Variants in PRUNE1 observed in about 807,000 individuals in gnomAD.
The protein encoded by PRUNE1 is exopolyphosphatase PRUNE1.
Under a neutral mutation model 42.5 loss-of-function variants are expected in PRUNE1, and 25 were observed. The observed-to-expected ratio is 0.59, with a 90% confidence interval of 0.43 to 0.82. The LOEUF is 0.82. PRUNE1 is among the 40% of genes least tolerant of loss of function. The probability of loss-of-function intolerance (pLI) is 0.00; values close to 1 mark genes in which losing one functional copy is unlikely to be tolerated. For missense variants in PRUNE1, 443 were observed against 539.3 expected (o/e 0.82, Z 1.77); for synonymous variants, 203 against 217.1 (o/e 0.93, Z 0.57).
chr1:151,027,315 T>A lies in PRUNE1; in HGVS notation c.762T>A (p.Tyr254Ter). 6.2e-7 allele frequency: 1 copy of A among 1,604,590 alleles called. No homozygotes were observed. The highest frequency in any genetic ancestry group is 1.1e-5 in the South Asian group (1 of 90,848). Reference sequence around the variant, plus strand: ...TCAAGGTGGCCATTAGTGCAATATATATGGATTTGGAGGTAAGAGCAAGTT... The same window carrying A: ...TCAAGGTGGCCATTAGTGCAATATAAATGGATTTGGAGGTAAGAGCAAGTT... ...QGVKVAISAIYMDLEAFLQRS... is the reference protein window; with the variant it reads ...QGVKVAISAI Residue 254 changes from tyrosine (Y) to a stop codon, truncating the protein, a stop_gained, in exon 6 of 8, where the codon TAT (tyrosine) becomes TAA (stop). Coordinates refer to ENST00000271620, the MANE Select transcript of PRUNE1 (RefSeq NM_021222.3). LOFTEE classifies it high-confidence loss of function.
chr1:151,025,283 T>C lies in PRUNE1; in HGVS notation c.521-232T>C, dbSNP rs1354881184. On this transcript the variant is annotated intron_variant, in intron 4 of 7. Transcript: ENST00000271620. The stretch of plus-strand genomic sequence containing the variant: ...TGACTAGGCTGTAAAATCTCCAAGG[T>C]TTGAGATGCTCAGGCTTTCTTTCTA... Among the ~76,000 whole-genome samples the C allele has an allele frequency of 4.6e-5, 7 of 152,278 alleles. No homozygotes were observed. In the East Asian group the frequency reaches 1.3e-3, roughly 29 times the overall value.
At chr1:151,023,365 A>G (rs906836881) in intron 3 of PRUNE1, among the ~76,000 whole-genome samples, 2 of 152,176 alleles carry the variant, frequency 1.3e-5, no homozygotes, top group Non-Finnish European at 2.9e-5. Flanking sequence ...ATAGGAATTA[A>G]GATAGAATTC....
intron 5 of PRUNE1, among the ~76,000 whole-genome samples, chr1:151,026,125 A>C (rs1467952988): frequency 6.6e-6 from 1 of 151,950 alleles, no homozygotes; most frequent in Non-Finnish European, 1.5e-5. Context: ...GGATTGTTCT[A>C]TCCTGGCTCT....
At chr1:151,009,465 C>T (rs185979998) in intron 1 of PRUNE1, among the ~76,000 whole-genome samples, 5 of 152,268 alleles carry the variant, frequency 3.3e-5, no homozygotes, top group Admixed American at 3.3e-4. Flanking sequence ...CCCAGCCATG[C>T]TGAGCCGTCA....
intron 1 of PRUNE1, among the ~76,000 whole-genome samples, chr1:151,015,319 T>G (rs1571773743): frequency 6.3e-5 from 7 of 111,648 alleles, no homozygotes; most frequent in Admixed American, 1.2e-4. Flanking sequence ...GGCGACAGAG[T>G]GAGACTCCAT....
intron 6 of PRUNE1, among the ~76,000 whole-genome samples, chr1:151,027,783 C>CGCGTGTGTGTGT (rs1674964787): frequency 7.7e-6 from 1 of 129,604 alleles, no homozygotes; most frequent in Non-Finnish European, 1.6e-5. Flanking sequence ...TGTGTGTGTG[C>CGCGTGTGTGTGT]GCGCGCGTGT....
intron 7 of PRUNE1, 118 bp downstream of exon 7, chr1:151,029,062 A>T: frequency 9.3e-7 from 1 of 1,078,880 alleles, no homozygotes; most frequent in Non-Finnish European, 1.3e-6. Context: ...ATGTACTTAC[A>T]TGAGGTCCCT....
chr1:151,018,380 G>A (rs139742452), intron 2 of PRUNE1, 87 bp from the exon 3 acceptor site: 2 of 1,152,556 alleles, frequency 1.7e-6, no homozygotes, highest in Non-Finnish European at 2.6e-6. Context: ...ACTTACCTAA[G>A]TATGTCTCCT....
intron 7 of PRUNE1, among the ~76,000 whole-genome samples, chr1:151,030,262 CAAA>C (rs779376441): frequency 1.5e-4 from 13 of 86,032 alleles, no homozygotes; most frequent in Admixed American, 2.5e-4. Flanking sequence ...ACTCCGTCTC[CAAA>C]AAAAAAAAAA....
chr1:151,020,934 A>T (rs1405986294), intron 3 of PRUNE1, among the ~76,000 whole-genome samples: 13 of 151,686 alleles, frequency 8.6e-5, no homozygotes, highest in Non-Finnish European at 1.8e-4. Context: ...GTGAGCTGAG[A>T]TCATGCCACT....
At chr1:151,033,309 T>A (rs1675351659) in intron 7 of PRUNE1, among the ~76,000 whole-genome samples, 2 of 150,660 alleles carry the variant, frequency 1.3e-5, no homozygotes, top group Admixed American at 1.3e-4. Context: ...GGTCTCAAAC[T>A]CCCGACCTCA....
At chr1:151,031,867 T>A (rs1675263460) in intron 7 of PRUNE1, among the ~76,000 whole-genome samples, 1 of 152,210 alleles carries the variant, frequency 6.6e-6, no homozygotes, top group South Asian at 2.1e-4. Flanking sequence ...TCTGCATGAT[T>A]TTACTCACAA....
chr1:151,027,747 AGT>A (rs3034003), intron 6 of PRUNE1, among the ~76,000 whole-genome samples: 2,214 of 130,858 alleles, frequency 0.017, 35 homozygotes, highest in South Asian at 0.045. Context: ...ACACCTAACT[AGT>A]GTGTGTGTGT....
chr1:151,030,398 C>T (rs1188234511), intron 7 of PRUNE1, among the ~76,000 whole-genome samples: 2 of 152,166 alleles, frequency 1.3e-5, no homozygotes, highest in Admixed American at 6.5e-5. Context: ...TGTCCTTTCC[C>T]GCCCCCCTTT....
intron 3 of PRUNE1, among the ~76,000 whole-genome samples, chr1:151,024,379 C>T (rs1197373852): frequency 6.6e-6 from 1 of 151,422 alleles, no homozygotes; most frequent in African/African-American, 2.4e-5. Context: ...CCTTTAATCC[C>T]AGCTACTCAG....
intron 1 of PRUNE1, among the ~76,000 whole-genome samples, chr1:151,014,128 C>T (rs907205180): frequency 6.6e-6 from 1 of 152,076 alleles, no homozygotes; most frequent in Non-Finnish European, 1.5e-5. Context: ...TACAGGCACC[C>T]GCCACCACGC....
intron 3 of PRUNE1, 137 bp from the exon 4 acceptor site, chr1:151,024,474 G>A (rs1571799010): frequency 7.4e-6 from 6 of 815,524 alleles, no homozygotes; most frequent in Admixed American, 2.6e-5. Flanking sequence ...TAGCCTGGGC[G>A]ACAAGAGTGA....
At chr1:151,013,768 T>TA (rs1286530932) in intron 1 of PRUNE1, among the ~76,000 whole-genome samples, 1 of 152,160 alleles carries the variant, frequency 6.6e-6, no homozygotes, top group Non-Finnish European at 1.5e-5. Context: ...TGCAGCCTCT[T>TA]ATCTCAAGTG....
At chr1:151,029,083 C>T (rs918498206) in intron 7 of PRUNE1, 139 bp downstream of exon 7, 1 of 806,458 alleles carries the variant, frequency 1.2e-6, no homozygotes, top group Non-Finnish European at 1.8e-6. Flanking sequence ...TGACCTGTTT[C>T]TGGACCTGTT....
Sources: allele counts gnomAD v4.1 joint callset (sites outside exome capture counted in the v4.1 genomes callset), GRCh38; gene constraint gnomAD v4.1.1; transcripts MANE v1.5; gene names NCBI Gene and HGNC (gene_info 2026-07-23, HGNC 2026-07-21).